The following WNK1 variants were observed in gnomAD, a reference collection of about 807,000 sequenced individuals.
WNK1 encodes WNK lysine deficient protein kinase 1, also known as serine/threonine-protein kinase WNK1.
In WNK1, 38 loss-of-function variants were observed where a neutral mutation model predicts 222.8. The ratio of observed to expected loss-of-function variants is 0.17; its 90% CI spans 0.13 to 0.22. The LOEUF (loss-of-function observed/expected upper bound fraction) is 0.22, where lower values mean the gene tolerates loss of function less well. Ranked by LOEUF, WNK1 falls within the 10% of genes least tolerant of loss-of-function variation. The pLI is 1.00. For missense variants in WNK1, 2,348 were observed against 2,918.4 expected, an observed-to-expected ratio of 0.80 and a Z score of 4.50; for synonymous variants, 1,090 against 1,092.9, an observed-to-expected ratio of 1.00 and a Z score of 0.05.
chr12:821,029 C>A (rs1298912879), intron 2 of WNK1, among the ~76,000 whole-genome samples: 1 of 135,666 alleles, frequency 7.4e-6, no homozygotes, highest in African/African-American at 2.8e-5. Flanking sequence ...CTATTCCTAT[C>A]CTAGTTTCTT....
intron 2 of WNK1, among the ~76,000 whole-genome samples, chr12:825,490 G>A (rs145568217): frequency 4.6e-5 from 7 of 152,024 alleles, no homozygotes; most frequent in Admixed American, 2.0e-4. Context: ...CCCCTCTACC[G>A]CTTGTTCTGT....
At chr12:755,541 A>T (rs933206182) in intron 1 of WNK1, among the ~76,000 whole-genome samples, 1 of 152,226 alleles carries the variant, frequency 6.6e-6, no homozygotes, top group Non-Finnish European at 1.5e-5. Context: ...TTTACAGTTA[A>T]TGATGTAGAA....
intron 1 of WNK1, among the ~76,000 whole-genome samples, chr12:766,961 G>A (rs1028040544): frequency 1.3e-5 from 2 of 152,028 alleles, no homozygotes; most frequent in African/African-American, 2.4e-5. Context: ...GTTTTTAGTA[G>A]AGACAGGGTT....
intron 1 of WNK1, among the ~76,000 whole-genome samples, chr12:803,766 T>C (rs1046671897): frequency 2.0e-4 from 31 of 152,082 alleles, no homozygotes; most frequent in African/African-American, 7.0e-4. Context: ...AAAAGAAATA[T>C]GGCAAAACAT....
At chr12:818,385 C>T (rs1555108126) in intron 2 of WNK1, among the ~76,000 whole-genome samples, 3 of 152,176 alleles carry the variant, frequency 2.0e-5, no homozygotes, top group Non-Finnish European at 4.4e-5. Context: ...TGATTTTGGG[C>T]AAATAGCTAA....
intron 1 of WNK1, among the ~76,000 whole-genome samples, chr12:809,339 C>G (rs912492363): frequency 9.3e-5 from 14 of 150,208 alleles, no homozygotes; most frequent in African/African-American, 3.4e-4. Flanking sequence ...CCATGTTTAC[C>G]TGCCCCTCCC....
chr12:822,743 T>G (rs1192026576), intron 2 of WNK1, among the ~76,000 whole-genome samples: 2 of 152,242 alleles, frequency 1.3e-5, no homozygotes, highest in African/African-American at 4.8e-5. Flanking sequence ...TTATAATAAT[T>G]ATTTTACATG....
At chr12:802,528 G>A (rs1383248468) in intron 1 of WNK1, among the ~76,000 whole-genome samples, 2 of 152,118 alleles carry the variant, frequency 1.3e-5, no homozygotes, top group Non-Finnish European at 1.5e-5. Flanking sequence ...GATTGATATG[G>A]AAATGACTTT....
chr12:839,403 A>G (rs1209442090), intron 4 of WNK1, among the ~76,000 whole-genome samples: 2 of 152,190 alleles, frequency 1.3e-5, no homozygotes, highest in Non-Finnish European at 2.9e-5. Context: ...GGAAAGACTA[A>G]ATGTTGAAAA....
In WNK1 at chr12:911,172, TTA is replaced by T. The variant is rs886048830; in HGVS notation, c.*2381_*2382del. 5.0e-6 allele frequency: 2 copies of T among 397,380 alleles called. No individual in the cohort carries two copies. Among genetic ancestry groups the T allele is most frequent in the Non-Finnish European group, 8.9e-6 (2 of 225,724 alleles). 24.6% of individuals were successfully genotyped at this position (397,380 alleles called of 1,614,324 possible). The stretch of plus-strand genomic sequence containing the variant: ...GAATGAACTAGTGCTACTGAACTGT[TTA>T]AATTATTTTTGTGTTAATAGTACAC... On this transcript the variant is annotated 3_prime_UTR_variant, in exon 28 of 28. Coordinates refer to ENST00000315939, the MANE Select transcript of WNK1 (RefSeq NM_018979.4).
chr12:836,792 G>A (rs1286183837), intron 4 of WNK1, among the ~76,000 whole-genome samples: 2 of 152,118 alleles, frequency 1.3e-5, no homozygotes, highest in Non-Finnish European at 2.9e-5. Context: ...TTTGAAGTTT[G>A]TTTATAGAAT....
intron 1 of WNK1, among the ~76,000 whole-genome samples, chr12:776,566 G>A (rs1173159754): frequency 1.3e-5 from 2 of 151,996 alleles, no homozygotes; most frequent in East Asian, 3.9e-4. Flanking sequence ...GAGTAGCTGG[G>A]ACTACAGGTG....
chr12:777,195 G>A (rs77836530), intron 1 of WNK1, among the ~76,000 whole-genome samples: 7 of 142,250 alleles, frequency 4.9e-5, no homozygotes, highest in East Asian at 2.0e-4. Context: ...ATGGAGTCTC[G>A]CTCTGTCACC....
chr12:864,360 C>T (rs778849256), intron 8 of WNK1, among the ~76,000 whole-genome samples: 78 of 152,246 alleles, frequency 5.1e-4, no homozygotes, highest in Non-Finnish European at 9.3e-4. Context: ...ATCCACCTGC[C>T]TCGGCCTCCC....
At chr12:869,855 A>G (rs1951993808) in intron 8 of WNK1, among the ~76,000 whole-genome samples, 2 of 151,944 alleles carry the variant, frequency 1.3e-5, no homozygotes, top group South Asian at 4.1e-4. Flanking sequence ...GTTGCAAGCT[A>G]AGGAACAGTA....
intron 1 of WNK1, among the ~76,000 whole-genome samples, chr12:798,862 A>T (rs1049176254): frequency 6.6e-6 from 1 of 151,770 alleles, no homozygotes; most frequent in Non-Finnish European, 1.5e-5. Context: ...TTGGTTTTGG[A>T]AACTTCTCTT....
At chr12:810,619 T>C (rs890666362) in intron 1 of WNK1, among the ~76,000 whole-genome samples, 3 of 152,136 alleles carry the variant, frequency 2.0e-5, no homozygotes, top group Non-Finnish European at 2.9e-5. Flanking sequence ...AAGTGAACAA[T>C]AGCAAAGGAT....
In WNK1 at chr12:907,951, T is replaced by C. The variant is rs754637214; in HGVS notation, c.6748T>C (p.Leu2250=). 7 of 1,614,172 alleles carry C rather than the reference T, an allele frequency of 4.3e-6. No individual in the cohort carries two copies. Among genetic ancestry groups the C allele is most frequent in the Non-Finnish European group, 5.9e-6 (7 of 1,180,038 alleles). The change falls in exon 27 of 28, where the codon TTG becomes CTG. Residue 2250 remains leucine (L), a synonymous_variant. Transcript: ENST00000315939. ...CAGGAAGGGCACATTCACAGATGAC[T>C]TGCACAAGTTGGTAGACAATTGGGC... is the stretch of plus-strand genomic sequence containing the variant. ...SSRKGTFTDD[L]HKLVDNWARD...
Position 861,242 on chromosome 12 carries a change from C to T in WNK1, c.1850C>T (p.Ser617Phe). The change falls in exon 7 of 28, where the codon TCT (serine) becomes TTT (phenylalanine). Residue 617 changes from serine to phenylalanine, a missense_variant. Around this residue, in one of 13 missense-constraint regions of WNK1, gnomAD observed 103 missense variants for 111.5 expected, o/e 0.92. Coordinates refer to ENST00000315939, the MANE Select transcript of WNK1 (RefSeq NM_018979.4). Reference sequence around the variant, plus strand: ...GCTAGCACCGGCATACCTACTGCTTCTACCACTTCAGCTTCAGTTTCTACA... The same window carrying T: ...GCTAGCACCGGCATACCTACTGCTTTTACCACTTCAGCTTCAGTTTCTACA... ...PSASTGIPTA[S>F]TTSASVSTQV... The T allele has an allele frequency of 6.2e-7, 1 of 1,614,154 alleles. No individual in the cohort carries two copies. Among genetic ancestry groups the T allele is most frequent in the Non-Finnish European group, 8.5e-7 (1 of 1,180,014 alleles).
Sources: allele counts gnomAD v4.1 joint callset (sites outside exome capture counted in the v4.1 genomes callset), GRCh38; gene constraint gnomAD v4.1.1; regional missense constraint gnomAD v4.1.1; transcripts MANE v1.5; gene names NCBI Gene and HGNC (gene_info 2026-07-23, HGNC 2026-07-21).